LDLRAD2: variants seen among roughly 807,000 people sequenced by gnomAD.
The protein encoded by LDLRAD2 is low-density lipoprotein receptor class A domain-containing protein 2.
A neutral mutation model predicts 24.9 loss-of-function variants in LDLRAD2; 25 were observed. The observed-to-expected ratio is 1.00, with a 90% CI of 0.73 to 1.40. LDLRAD2 has a LOEUF of 1.40. Among genes scored for constraint, LDLRAD2 ranks in the 40% most tolerant of loss-of-function variants. The pLI is 0.00. For missense variants in LDLRAD2, 391 were observed against 366.2 expected (o/e 1.07, Z -0.55); for synonymous variants, 182 against 166.7 (o/e 1.09, Z -0.71).
At chr1:21,819,308 G>A (rs2097947623) in intron 3 of LDLRAD2, among the ~76,000 whole-genome samples, 1 of 151,996 alleles carries the variant, frequency 6.6e-6, no homozygotes, top group Non-Finnish European at 1.5e-5. Flanking sequence ...GGGAGGCATA[G>A]GTTGCGGTGA....
chr1:21,818,298 C>T (rs563560877), intron 3 of LDLRAD2, among the ~76,000 whole-genome samples: 20 of 152,342 alleles, frequency 1.3e-4, no homozygotes, highest in Admixed American at 5.2e-4. Context: ...AGGCGTGAGC[C>T]TCCGCACCCG....
chr1:21,812,343 C>T lies in LDLRAD2; in HGVS notation c.-109C>T, dbSNP rs2097939339. On this transcript the variant is annotated 5_prime_UTR_variant, in exon 1 of 5. Coordinates refer to ENST00000344642, the MANE Select transcript of LDLRAD2 (RefSeq NM_001013693.3). ...CTTGCCTCCCCCTTCTCCTTGTGTC[C>T]CACCAGCCTCCCTGCTGGCCTGACC... 4 of 760,568 alleles carry T rather than the reference C, an allele frequency of 5.3e-6. No homozygotes were observed. In the South Asian group the frequency reaches 6.3e-5, roughly 12 times the overall value. The allele number at this position is 760,568 out of a possible 1,614,324, so 47.1% of individuals were successfully genotyped here.
chr1:21,822,190 C>A lies in LDLRAD2; in HGVS notation c.806-12C>A. 6.2e-7 allele frequency: 1 copy of A among 1,614,160 alleles called. No homozygotes were observed. Among genetic ancestry groups the A allele is most frequent in the African/African-American group, 1.3e-5 (1 of 75,056 alleles). On this transcript the variant is annotated splice_polypyrimidine_tract_variant and intron_variant, in intron 4 of 4. Coordinates refer to ENST00000344642, the MANE Select transcript of LDLRAD2 (RefSeq NM_001013693.3). ...CCCAGATCTCACCTGCCCTGCTCTGCCCCATCCACAGGCTCCACTGAGTGA... is the reference window on the plus strand; with the variant it reads ...CCCAGATCTCACCTGCCCTGCTCTGACCCATCCACAGGCTCCACTGAGTGA...
In LDLRAD2 at chr1:21,824,461, C is replaced by T; in HGVS notation, c.*2246C>T. On this transcript the variant is annotated 3_prime_UTR_variant, in exon 5 of 5. Transcript: ENST00000344642. This position sits in a 1 kb window ranked among gnomAD's most constrained non-coding sequence, Gnocchi z 5.9. ...CCAGGGGGCTCTGCTTTCCCCTCCC[C>T]CCACCACTCCGGCCACCAGGAAGCC... 1.2e-6 allele frequency: 2 copies of T among 1,603,014 alleles called. No individual in the cohort carries two copies. The highest frequency in any genetic ancestry group is 1.7e-6 in the Non-Finnish European group (2 of 1,172,500).
At position 21,812,396 on chromosome 1, in the gene LDLRAD2, A is replaced by G. The variant is rs1480493116; in HGVS notation, c.-56A>G. The G allele has an allele frequency of 3.5e-6, 5 of 1,445,042 alleles. No individual in the cohort carries two copies. The highest frequency in any genetic ancestry group is 4.9e-6 in the Non-Finnish European group (5 of 1,029,042). The allele number at this position is 1,445,042 out of a possible 1,614,324, so 89.5% of individuals were successfully genotyped here. A position where few individuals can be genotyped will look rare whatever the true frequency, so the allele number is the denominator to read the frequency against. On this transcript the variant is annotated 5_prime_UTR_variant, in exon 1 of 5. Transcript: ENST00000344642. ...GCCCCATACTCCAGTCTCCCCAGAGACCCCAAGCTGAAGATTCTGTGGGTC... is the reference window on the plus strand; with the variant it reads ...GCCCCATACTCCAGTCTCCCCAGAGGCCCCAAGCTGAAGATTCTGTGGGTC...
At chr1:21,816,267 C>T (rs996496879) in intron 3 of LDLRAD2, among the ~76,000 whole-genome samples, 193 bp downstream of exon 3, 5 of 152,340 alleles carry the variant, frequency 3.3e-5, no homozygotes, top group African/African-American at 4.8e-5. Context: ...TCTCATCCGG[C>T]GGATTCCAAA....
chr1:21,814,623 C>T lies in LDLRAD2; in HGVS notation c.311C>T (p.Ala104Val). Reference protein sequence around the residue: ...PALNTSSPAPADPCAPGSYLQ... With the variant: ...PALNTSSPAPVDPCAPGSYLQ... ...CTCAACACCTCCTCCCCGGCCCCGG[C>T]CGACCCGTGCGCCCCCGGCTCCTAC... is the stretch of plus-strand genomic sequence containing the variant. The change falls in exon 2 of 5, where the codon GCC becomes GTC. Residue 104 changes from alanine to valine, a missense_variant. Coordinates refer to ENST00000344642, the MANE Select transcript of LDLRAD2 (RefSeq NM_001013693.3). 6.2e-7 allele frequency: 1 copy of T among 1,608,632 alleles called. No individual in the cohort carries two copies. Among genetic ancestry groups the T allele is most frequent in the African/African-American group, 1.3e-5 (1 of 74,860 alleles).
chr1:21,824,316 G>T lies in LDLRAD2; in HGVS notation c.*2101G>T, dbSNP rs961539740. The T allele has an allele frequency of 1.2e-6, 2 of 1,613,800 alleles. No individual in the cohort carries two copies. Among genetic ancestry groups the T allele is most frequent in the Non-Finnish European group, 1.7e-6 (2 of 1,180,024 alleles). ...GGTGCCAGGACCTACCTGAAGACAA[G>T]GTGCCCGTCTTGAAGCCCGAGGCTG... On this transcript the variant is annotated 3_prime_UTR_variant, in exon 5 of 5. Transcript: ENST00000344642. This position sits in a 1 kb window ranked among gnomAD's most constrained non-coding sequence, Gnocchi z 5.9.
At position 21,815,963 on chromosome 1, in the gene LDLRAD2, C is replaced by A; in HGVS notation, c.532C>A (p.Arg178Ser). The A allele has an allele frequency of 6.2e-7, 1 of 1,614,016 alleles. No homozygotes were observed. The highest frequency in any genetic ancestry group is 8.5e-7 in the Non-Finnish European group (1 of 1,180,002). Residue 178 changes from arginine (R) to serine (S), a missense_variant, in exon 3 of 5, where the codon CGC (arginine) becomes AGC (serine). Physicochemically the swap from Arg to Ser is moderately radical, Grantham distance 110 (BLOSUM62 -1). Transcript: ENST00000344642. Reference protein sequence around the residue: ...FRLGPCGAYFRCQNGRCIPSS... With the variant: ...FRLGPCGAYFSCQNGRCIPSS... ...CTCAGGACCTTGTGGTGCCTACTTC[C>A]GCTGCCAGAATGGCAGGTGCATCCC...
At chr1:21,822,128 T>C (rs1016868232) in intron 4 of LDLRAD2, 74 bp from the exon 5 acceptor site, 3 of 1,613,016 alleles carry the variant, frequency 1.9e-6, no homozygotes, top group African/African-American at 2.7e-5. Context: ...GTTGGGGGCC[T>C]GGGGGCCTCG....
intron 1 of LDLRAD2, 42 bp downstream of exon 1, chr1:21,812,578 G>T (rs377661703): frequency 9.3e-6 from 14 of 1,513,270 alleles, no homozygotes; most frequent in Non-Finnish European, 1.3e-5. Context: ...AGAAGACTTG[G>T]GCCCCCACCA....
intron 4 of LDLRAD2, 129 bp downstream of exon 4, chr1:21,821,740 G>C: frequency 6.6e-7 from 1 of 1,506,706 alleles, no homozygotes; most frequent in Non-Finnish European, 8.9e-7. Flanking sequence ...AGCTCTGAGG[G>C]GTGGCGCTGG....
At chr1:21,812,954 G>A (rs1436568082) in intron 1 of LDLRAD2, among the ~76,000 whole-genome samples, 1 of 152,212 alleles carries the variant, frequency 6.6e-6, no homozygotes, top group Non-Finnish European at 1.5e-5. Flanking sequence ...TGGCATATAA[G>A]ATGAGATAAG....
intron 4 of LDLRAD2, 101 bp downstream of exon 4, chr1:21,821,712 C>G: frequency 6.5e-7 from 1 of 1,547,322 alleles, no homozygotes; most frequent in Non-Finnish European, 8.7e-7. Context: ...AGTGGACTTT[C>G]TCTTCCCACA....
At chr1:21,815,861 C>G in intron 2 of LDLRAD2, 82 bp from the exon 3 acceptor site, 2 of 1,536,876 alleles carry the variant, frequency 1.3e-6, no homozygotes, top group South Asian at 1.2e-5. Context: ...CACCCCCACA[C>G]TGTCACCATG....
Position 21,823,587 on chromosome 1 carries a change from C to G in LDLRAD2, c.*1372C>G, listed in dbSNP as rs557283129. 11 of 1,611,356 alleles carry G rather than the reference C, an allele frequency of 6.8e-6. No homozygotes were observed. The Admixed American group carries it at 1.8e-4, about 27-fold the overall frequency. ...GCCCTAAGGGAGTGCCGTTCCTGCC[C>G]CTGCCCTGAGAAGGAGCCCCAGACT... On this transcript the variant is annotated 3_prime_UTR_variant, in exon 5 of 5. Coordinates refer to ENST00000344642, the MANE Select transcript of LDLRAD2 (RefSeq NM_001013693.3).
Position 21,822,185 on chromosome 1 carries a change from C to A in LDLRAD2, c.806-17C>A. 6.2e-7 allele frequency: 1 copy of A among 1,614,156 alleles called. No individual in the cohort carries two copies. Among genetic ancestry groups the A allele is most frequent in the Non-Finnish European group, 8.5e-7 (1 of 1,180,020 alleles). ...TCACCCCCAGATCTCACCTGCCCTG[C>A]TCTGCCCCATCCACAGGCTCCACTG... On this transcript the variant is annotated splice_polypyrimidine_tract_variant and intron_variant, in intron 4 of 4. Transcript: ENST00000344642.
chr1:21,819,023 C>T (rs1488590522), intron 3 of LDLRAD2, among the ~76,000 whole-genome samples: 2 of 151,496 alleles, frequency 1.3e-5, no homozygotes, highest in African/African-American at 2.4e-5. Context: ...ATTGCAAGCT[C>T]GTTCCTTTGC....
chr1:21,815,818 T>G, intron 2 of LDLRAD2, 125 bp from the exon 3 acceptor site: 1 of 1,110,326 alleles, frequency 9.0e-7, no homozygotes, highest in South Asian at 1.5e-5. Context: ...CATGTTCTCA[T>G]CTGCATGCAT....
Sources: gnomAD v4.1 joint callset for allele counts (sites outside exome capture counted in the v4.1 genomes callset) on GRCh38, gnomAD v4.1.1 for gene constraint, Gnocchi (gnomAD v3.1) non-coding constraint, MANE v1.5 for transcripts, NCBI Gene and HGNC (gene_info 2026-07-23, HGNC 2026-07-21) for gene names.